ERBB4: variants seen among roughly 807,000 people sequenced by gnomAD.
ERBB4 encodes the protein erb-b2 receptor tyrosine kinase 4.
A neutral mutation model predicts 158.0 loss-of-function variants in ERBB4; 42 were observed. The ratio of observed to expected loss-of-function variants is 0.27; its 90% confidence interval spans 0.21 to 0.34. The LOEUF (loss-of-function observed/expected upper bound fraction) is 0.34, where lower values mean the gene tolerates loss of function less well. ERBB4 is among the 10% of genes least tolerant of loss of function. ERBB4 has a pLI of 1.00. For synonymous variants in ERBB4, 583 were observed against 558.7 expected, an observed-to-expected ratio of 1.04 and a Z score of -0.61; for missense variants, 1,333 against 1,624.1, an observed-to-expected ratio of 0.82 and a Z score of 3.08.
At chr2:211,651,852 C>T (rs2071001788) in intron 16 of ERBB4, among the ~76,000 whole-genome samples, 1 of 152,134 alleles carries the variant, frequency 6.6e-6, no homozygotes, top group Admixed American at 6.5e-5. Flanking sequence ...TAGATGAGAA[C>T]ACAGGTCAGA....
At chr2:212,427,617 T>C (rs2091942198) in intron 1 of ERBB4, among the ~76,000 whole-genome samples, 1 of 152,156 alleles carries the variant, frequency 6.6e-6, no homozygotes, top group Non-Finnish European at 1.5e-5. Flanking sequence ...GGTCATATAA[T>C]TCACTTCCTT....
intron 23 of ERBB4, among the ~76,000 whole-genome samples, chr2:211,423,803 G>T (rs542466109): frequency 6.6e-6 from 1 of 151,364 alleles, no homozygotes; most frequent in Non-Finnish European, 1.5e-5. Flanking sequence ...TTCCCATAAA[G>T]GTCACTAATG....
chr2:212,532,867 T>C (rs546478778), intron 1 of ERBB4, among the ~76,000 whole-genome samples: 1 of 152,226 alleles, frequency 6.6e-6, no homozygotes, highest in Non-Finnish European at 1.5e-5. Flanking sequence ...ACATGCTACA[T>C]AGCCTCTTTA....
intron 2 of ERBB4, among the ~76,000 whole-genome samples, chr2:212,083,577 A>G (rs2078509832): frequency 6.6e-6 from 1 of 151,836 alleles, no homozygotes; most frequent in Admixed American, 6.6e-5. Flanking sequence ...TACACGAGAG[A>G]CTGCCCGCAC....
intron 2 of ERBB4, among the ~76,000 whole-genome samples, chr2:211,968,378 C>T (rs566254508): frequency 6.6e-6 from 1 of 152,058 alleles, no homozygotes; most frequent in South Asian, 2.1e-4. Context: ...AAATATTCTA[C>T]AATGAGAAAT....
intron 2 of ERBB4, among the ~76,000 whole-genome samples, chr2:212,068,014 A>T (rs2077995677): frequency 6.6e-6 from 1 of 152,052 alleles, no homozygotes; most frequent in African/African-American, 2.4e-5. Context: ...AAATGGATAG[A>T]CTTCTTGCCT....
At chr2:211,738,218 G>A (rs989415990) in intron 5 of ERBB4, among the ~76,000 whole-genome samples, 4 of 151,892 alleles carry the variant, frequency 2.6e-5, no homozygotes, top group African/African-American at 9.7e-5. Context: ...TTATAAAGTT[G>A]TATGTCATTG....
At chr2:212,538,304 G>A (rs1180303536) in intron 1 of ERBB4, 145 bp downstream of exon 1, 2 of 749,642 alleles carry the variant, frequency 2.7e-6, no homozygotes, top group East Asian at 2.5e-5. Flanking sequence ...AATGGAAAGA[G>A]GGGTGACCGA....
chr2:211,925,703 G>A (rs947708601), intron 3 of ERBB4, among the ~76,000 whole-genome samples: 7 of 151,964 alleles, frequency 4.6e-5, no homozygotes, highest in East Asian at 3.9e-4. Flanking sequence ...TTAAAACTAC[G>A]GAAATAAATA....
intron 12 of ERBB4, among the ~76,000 whole-genome samples, chr2:211,682,032 T>G (rs1399885510): frequency 7.1e-6 from 1 of 140,872 alleles, no homozygotes; most frequent in African/African-American, 2.7e-5. Context: ...CCAGAACCAT[T>G]AAGACATTTT....
chr2:211,822,014 T>C (rs918232872), intron 3 of ERBB4, among the ~76,000 whole-genome samples: 11 of 151,930 alleles, frequency 7.2e-5, no homozygotes, highest in South Asian at 4.1e-4. Context: ...GGGATGAAAT[T>C]GGAGAACATC....
chr2:212,509,925 T>C (rs1691413691), intron 1 of ERBB4, among the ~76,000 whole-genome samples: 1 of 151,886 alleles, frequency 6.6e-6, no homozygotes, highest in African/African-American at 2.4e-5. Flanking sequence ...CTACTTTCAA[T>C]GCTTAATTAA....
intron 2 of ERBB4, among the ~76,000 whole-genome samples, chr2:212,020,715 G>T: frequency 6.6e-6 from 1 of 152,104 alleles, no homozygotes; most frequent in East Asian, 1.9e-4. Flanking sequence ...ACAATTCTCA[G>T]CCTACTGCCT....
intron 25 of ERBB4, among the ~76,000 whole-genome samples, chr2:211,391,968 A>G (rs997187241): frequency 1.3e-5 from 2 of 152,216 alleles, no homozygotes; most frequent in Non-Finnish European, 2.9e-5. Context: ...ATTACTTTCA[A>G]TAGTAATTAT....
At chr2:211,757,054 C>T (rs1405819983) in intron 4 of ERBB4, among the ~76,000 whole-genome samples, 2 of 152,188 alleles carry the variant, frequency 1.3e-5, no homozygotes, top group Non-Finnish European at 2.9e-5. Flanking sequence ...TGAGCAAATG[C>T]TACATCAGTA....
intron 1 of ERBB4, among the ~76,000 whole-genome samples, chr2:212,293,860 AAAAAAAAAAAAAAC>A (rs1199403796): frequency 9.5e-5 from 7 of 74,050 alleles, no homozygotes; most frequent in African/African-American, 4.6e-4. Context: ...AAAAAAAAAC[AAAAAAAAAAAAAAC>A]ATACATTTGT....
At chr2:212,537,529 C>A (rs113154756) in intron 1 of ERBB4, among the ~76,000 whole-genome samples, 2,355 of 152,150 alleles carry the variant, frequency 0.015, 58 homozygotes, top group African/African-American at 0.054. Flanking sequence ...ACCTGGGGCT[C>A]GAGCTCTCCA....
intron 4 of ERBB4, among the ~76,000 whole-genome samples, chr2:211,772,268 A>G (rs2075710443): frequency 6.6e-6 from 1 of 152,156 alleles, no homozygotes; most frequent in African/African-American, 2.4e-5. Context: ...GAGAGTAGTT[A>G]TTAAATATTT....
chr2:211,757,185 T>C (rs887437877), intron 4 of ERBB4, among the ~76,000 whole-genome samples: 1 of 152,210 alleles, frequency 6.6e-6, no homozygotes, highest in Non-Finnish European at 1.5e-5. Context: ...TCTTCTGTTA[T>C]GTGAGTTGAC....
Sources: gnomAD v4.1 joint callset for allele counts (sites outside exome capture counted in the v4.1 genomes callset) on GRCh38, gnomAD v4.1.1 for gene constraint, MANE v1.5 for transcripts, NCBI Gene and HGNC (gene_info 2026-07-23, HGNC 2026-07-21) for gene names.